Variants in MTUS2 observed in about 807,000 individuals in gnomAD.
The protein encoded by MTUS2 is microtubule associated scaffold protein 2.
MTUS2 carries 40 observed loss-of-function variants against 114.1 expected under a neutral mutation model. That is an observed-to-expected ratio of 0.35 (90% CI 0.27 to 0.46). The LOEUF is 0.46. Ranked by LOEUF, MTUS2 falls within the 20% of genes least tolerant of loss-of-function variation. The pLI, the probability that MTUS2 is intolerant of heterozygous loss-of-function variation, is 1.00. For missense variants in MTUS2, 1,679 were observed against 1,705.4 expected (o/e 0.98, Z 0.27); for synonymous variants, 688 against 672.0 (o/e 1.02, Z -0.37).
intron 4 of MTUS2, among the ~76,000 whole-genome samples, chr13:29,081,644 AATAG>A (rs1889447688): frequency 6.6e-6 from 1 of 151,952 alleles, no homozygotes. Context: ...GCACCAACCT[AATAG>A]ATAAGGAGTG....
At chr13:29,170,334 C>A (rs1893504497) in intron 5 of MTUS2, among the ~76,000 whole-genome samples, 1 of 152,148 alleles carries the variant, frequency 6.6e-6, no homozygotes, top group South Asian at 2.1e-4. Flanking sequence ...TAACTTTACC[C>A]TCATGAGAAC....
At chr13:29,464,758 C>CTT (rs144004290) in intron 9 of MTUS2, among the ~76,000 whole-genome samples, 3,370 of 152,340 alleles carry the variant, frequency 0.022, 108 homozygotes, top group African/African-American at 0.072. Flanking sequence ...GAAGCACTGT[C>CTT]TGCTTACAGC....
chr13:29,494,677 G>A (rs1012043075), intron 12 of MTUS2, among the ~76,000 whole-genome samples: 3 of 151,954 alleles, frequency 2.0e-5, no homozygotes, highest in Non-Finnish European at 4.4e-5. Context: ...CCCCACCTGC[G>A]GCGTACTGCA....
chr13:29,024,753 A>G lies in MTUS2; in HGVS notation c.55A>G (p.Arg19Gly). 6.2e-7 allele frequency: 1 copy of G among 1,614,052 alleles called. No individual in the cohort carries two copies. The highest frequency in any genetic ancestry group is 8.5e-7 in the Non-Finnish European group (1 of 1,179,896). ...KSCYTQLRDN[R>G]NAARNNNESI... The stretch of plus-strand genomic sequence containing the variant: ...ATGTTACACTCAGTTGCGGGACAAC[A>G]GAAATGCAGCAAGAAATAATAATGA... The change falls in exon 3 of 16, where the codon AGA becomes GGA. Residue 19 changes from arginine (R) to glycine (G), a missense_variant. Arg to Gly is a moderately radical substitution (Grantham distance 125). Coordinates refer to ENST00000612955, the MANE Select transcript of MTUS2 (RefSeq NM_001033602.4).
At position 29,291,457 on chromosome 13, in the gene MTUS2, G is replaced by A. The variant is rs530041509; in HGVS notation, c.2806+9592G>A. On this transcript the variant is annotated intron_variant, in intron 6 of 15. Coordinates refer to ENST00000612955, the MANE Select transcript of MTUS2 (RefSeq NM_001033602.4). ...CATTGACTCAGAGGGGAGGTACTAGGGTGTTTTAAACAAACATTTGTTTAC... is the reference window on the plus strand; with the variant it reads ...CATTGACTCAGAGGGGAGGTACTAGAGTGTTTTAAACAAACATTTGTTTAC... Among the ~76,000 whole-genome samples, 103 of 152,284 alleles carry A rather than the reference G, an allele frequency of 6.8e-4. 1 individual carries two copies. The highest frequency in any genetic ancestry group is 1.2e-3 in the Admixed American group (19 of 15,298).
intron 6 of MTUS2, chr13:29,307,312 C>A: frequency 1.5e-6 from 1 of 674,672 alleles, no homozygotes. Context: ...GACCACAGTC[C>A]ATGCTGTCCC....
intron 4 of MTUS2, among the ~76,000 whole-genome samples, chr13:29,070,213 G>A (rs1888852589): frequency 6.6e-6 from 1 of 152,088 alleles, no homozygotes; most frequent in Non-Finnish European, 1.5e-5. Context: ...TCTGCTCTTT[G>A]TTTACCTTCT....
rs544394945 is a variant in MTUS2 at position 29,108,643 on chromosome 13, T to G, written c.2644+7673T>G. 1.1e-4 allele frequency among the ~76,000 whole-genome samples: 17 copies of G among 152,212 alleles called. No individual in the cohort carries two copies. In the South Asian group the frequency reaches 2.9e-3, roughly 26 times the overall value. ...ACTTGCAGGGAATGGGGAGACAGGA[T>G]TATGCACATAAAGCCATGCAGGGAA... is the stretch of plus-strand genomic sequence containing the variant. On this transcript the variant is annotated intron_variant, in intron 5 of 15. Coordinates refer to ENST00000612955, the MANE Select transcript of MTUS2 (RefSeq NM_001033602.4).
intron 14 of MTUS2, among the ~76,000 whole-genome samples, chr13:29,498,875 G>A (rs1386642969): frequency 1.3e-5 from 2 of 152,304 alleles, no homozygotes; most frequent in East Asian, 1.9e-4. Flanking sequence ...GACACTGCAC[G>A]GAGCACTTTC....
chr13:29,232,558 G>T (rs1896376394), intron 5 of MTUS2, among the ~76,000 whole-genome samples: 1 of 152,304 alleles, frequency 6.6e-6, no homozygotes, highest in East Asian at 1.9e-4. Flanking sequence ...AAATATTTTT[G>T]ATCTGAAAAG....
intron 2 of MTUS2, among the ~76,000 whole-genome samples, chr13:29,005,079 C>A (rs891613129): frequency 6.6e-6 from 1 of 152,148 alleles, no homozygotes; most frequent in Non-Finnish European, 1.5e-5. Flanking sequence ...GCTCACAGAC[C>A]CCTTTCTGCA....
At chr13:28,870,644 C>T (rs1259146707) in intron 2 of MTUS2, among the ~76,000 whole-genome samples, 1 of 151,792 alleles carries the variant, frequency 6.6e-6, no homozygotes, top group African/African-American at 2.4e-5. Context: ...GGAGCAGGTC[C>T]TGAGAGAGAT....
chr13:28,931,122 C>T (rs1056064032), intron 2 of MTUS2, among the ~76,000 whole-genome samples: 1 of 152,232 alleles, frequency 6.6e-6, no homozygotes, highest in Non-Finnish European at 1.5e-5. Context: ...GCCTCACGCT[C>T]ATTGGAGCAC....
chr13:29,178,655 A>C (rs967334004), intron 5 of MTUS2, among the ~76,000 whole-genome samples: 1 of 152,126 alleles, frequency 6.6e-6, no homozygotes, highest in Non-Finnish European at 1.5e-5. Flanking sequence ...CCCAGTTGAG[A>C]ATCATGGCCA....
At chr13:29,066,075 T>A (rs1329499156) in intron 4 of MTUS2, among the ~76,000 whole-genome samples, 1 of 152,194 alleles carries the variant, frequency 6.6e-6, no homozygotes, top group Non-Finnish European at 1.5e-5. Flanking sequence ...AAGGGCCTTT[T>A]ATTTGCCACG....
Position 29,025,381 on chromosome 13 carries a change from C to CT in MTUS2, c.686dup (p.Ala231CysfsTer3). 1 of 1,613,908 alleles carries CT rather than the reference C, an allele frequency of 6.2e-7. No individual in the cohort carries two copies. The highest frequency in any genetic ancestry group is 2.2e-5 in the East Asian group (1 of 44,864). ...TTGCCAGACCACGCTGTCCCGGCAG[C>CT]TTTCCCTGCAACTGACAGTACCTCA... On this transcript the variant is annotated frameshift_variant, in exon 3 of 16. Transcript: ENST00000612955. LOFTEE classifies it high-confidence loss of function.
At chr13:29,356,372 G>C (rs921460030) in intron 7 of MTUS2, among the ~76,000 whole-genome samples, 2 of 152,182 alleles carry the variant, frequency 1.3e-5, no homozygotes, top group African/African-American at 2.4e-5. Flanking sequence ...TACTTCCTAA[G>C]CAGATGTGCA....
intron 5 of MTUS2, among the ~76,000 whole-genome samples, chr13:29,158,358 C>CCCCCCCCCCCT: frequency 2.8e-4 from 9 of 32,046 alleles, no homozygotes; most frequent in African/African-American, 1.0e-3. Context: ...GTCCACCCCG[C>CCCCCCCCCCCT]TTTTTTTTTT....
At chr13:29,151,497 CT>C (rs1418641342) in intron 5 of MTUS2, among the ~76,000 whole-genome samples, 2 of 152,156 alleles carry the variant, frequency 1.3e-5, no homozygotes, top group Non-Finnish European at 2.9e-5. Flanking sequence ...GATAATTTGA[CT>C]TCCTCTCTTC....
Sources: allele counts gnomAD v4.1 joint callset (sites outside exome capture counted in the v4.1 genomes callset), GRCh38; gene constraint gnomAD v4.1.1; transcripts MANE v1.5; gene names NCBI Gene and HGNC (gene_info 2026-07-23, HGNC 2026-07-21).